VIRMA: variants seen among roughly 807,000 people sequenced by gnomAD.
VIRMA encodes protein virilizer homolog.
In VIRMA, 65 loss-of-function variants were observed where a neutral mutation model predicts 182.4. The observed-to-expected ratio is 0.36, with a 90% CI of 0.29 to 0.44. The LOEUF is 0.44. Among genes scored for constraint, VIRMA ranks in the 20% least tolerant of loss-of-function variants. The pLI, the probability that VIRMA is intolerant of heterozygous loss-of-function variation, is 1.00. For synonymous variants in VIRMA, 709 were observed against 743.1 expected (o/e 0.95, Z 0.75); for missense variants, 1,752 against 2,158.1 (o/e 0.81, Z 3.73).
At position 94,494,932 on chromosome 8, in the gene VIRMA, G is replaced by A. The variant is rs963372947; in HGVS notation, c.4569C>T (p.Val1523=). 2 of 1,610,434 alleles carry A rather than the reference G, an allele frequency of 1.2e-6. No homozygotes were observed. The highest frequency in any genetic ancestry group is 1.7e-6 in the Non-Finnish European group (2 of 1,176,932). ...NNRTAYVLAD[V]MDDQLKSMWF... Reference sequence around the variant, plus strand: ...ACATAGATTTCAACTGATCATCCATGACATCAGCAAGCACATAGGCAGTCC... The same window carrying A: ...ACATAGATTTCAACTGATCATCCATAACATCAGCAAGCACATAGGCAGTCC... The change falls in exon 20 of 24, where the codon GTC becomes GTT. Residue 1523 remains valine, a synonymous_variant. Coordinates refer to ENST00000297591, the MANE Select transcript of VIRMA (RefSeq NM_015496.5).
chr8:94,502,129 T>A (rs533920469), intron 16 of VIRMA, among the ~76,000 whole-genome samples: 1 of 152,358 alleles, frequency 6.6e-6, no homozygotes, highest in African/African-American at 2.4e-5. Context: ...GGTGCATATA[T>A]GTTTAGGATT....
At chr8:94,525,481 A>C (rs1448669921) in intron 8 of VIRMA, among the ~76,000 whole-genome samples, 2 of 152,244 alleles carry the variant, frequency 1.3e-5, no homozygotes, top group African/African-American at 4.8e-5. Flanking sequence ...AAGGTGTAAC[A>C]GTTTCAGCTA....
Position 94,519,050 on chromosome 8 carries a change from A to G in VIRMA, c.2448T>C (p.Phe816=), listed in dbSNP as rs1308508461. The part of the protein sequence containing the change: ...PVGRSAVGHV[F]SLEKNLQSLI... ...GACTTTGGAGATTTTTCTCCAGACTAAAAACATGGCCAACAGCTGATCTTC... is the reference window on the plus strand; with the variant it reads ...GACTTTGGAGATTTTTCTCCAGACTGAAAACATGGCCAACAGCTGATCTTC... The change falls in exon 9 of 24, where the codon TTT becomes TTC. Residue 816 remains phenylalanine, a synonymous_variant. Coordinates refer to ENST00000297591, the MANE Select transcript of VIRMA (RefSeq NM_015496.5). 1 of 1,613,792 alleles carries G rather than the reference A, an allele frequency of 6.2e-7. No individual in the cohort carries two copies. The highest frequency in any genetic ancestry group is 2.2e-5 in the East Asian group (1 of 44,874).
chr8:94,495,677 T>G (rs2130264200), intron 19 of VIRMA, 54 bp downstream of exon 19: 1 of 1,521,620 alleles, frequency 6.6e-7, no homozygotes, highest in South Asian at 1.2e-5. Flanking sequence ...CCCCCTAGAC[T>G]ACAGCCATTT....
intron 1 of VIRMA, 94 bp from the exon 2 acceptor site, chr8:94,544,036 TA>T: frequency 1.5e-6 from 1 of 678,682 alleles, no homozygotes; most frequent in South Asian, 1.8e-5. Context: ...ATGTCACATG[TA>T]AACTTAACAT....
At chr8:94,532,065 G>A (rs1437632645) in intron 5 of VIRMA, among the ~76,000 whole-genome samples, 1 of 152,118 alleles carries the variant, frequency 6.6e-6, no homozygotes, top group Admixed American at 6.6e-5. Flanking sequence ...AGGGAATCTT[G>A]GGGCAATGGT....
At position 94,526,371 on chromosome 8, in the gene VIRMA, C is replaced by G. The variant is rs372344457; in HGVS notation, c.1873G>C (p.Glu625Gln). ...ESSNISEGEI[E>Q]RLINLLEEVF... The stretch of plus-strand genomic sequence containing the variant: ...TCTTCTAGGAGGTTAATAAGCCTTT[C>G]TATTTCCCCTTCACTTATATTTGAG... The change falls in exon 8 of 24, where the codon GAA becomes CAA. Residue 625 changes from glutamate to glutamine, a missense_variant. Physicochemically the swap from Glu to Gln is conservative, Grantham distance 29. Around this residue, in one of 11 missense-constraint regions of VIRMA, gnomAD observed 401 missense variants for 455.1 expected, o/e 0.88. Transcript: ENST00000297591. The G allele has an allele frequency of 6.2e-7, 1 of 1,613,982 alleles. No individual in the cohort carries two copies. Among genetic ancestry groups the G allele is most frequent in the African/African-American group, 1.3e-5 (1 of 74,922 alleles).
At chr8:94,540,263 TA>T (rs1275220854) in intron 2 of VIRMA, among the ~76,000 whole-genome samples, 1 of 152,140 alleles carries the variant, frequency 6.6e-6, no homozygotes, top group East Asian at 1.9e-4. Flanking sequence ...ACTATGTAGC[TA>T]TTAGAAATCA....
At chr8:94,541,214 T>C (rs1421177942) in intron 2 of VIRMA, among the ~76,000 whole-genome samples, 1 of 151,628 alleles carries the variant, frequency 6.6e-6, no homozygotes, top group Non-Finnish European at 1.5e-5. Flanking sequence ...TCTTAACTCC[T>C]GGGTTCAAGC....
At chr8:94,528,157 T>C (rs778987631) in intron 7 of VIRMA, among the ~76,000 whole-genome samples, 8 of 147,662 alleles carry the variant, frequency 5.4e-5, no homozygotes, top group Admixed American at 4.2e-4. Flanking sequence ...ACTTGAACCC[T>C]GGAGGTGAAG....
intron 16 of VIRMA, among the ~76,000 whole-genome samples, chr8:94,505,351 T>C (rs1175267396): frequency 6.6e-6 from 1 of 151,930 alleles, no homozygotes; most frequent in Non-Finnish European, 1.5e-5. Flanking sequence ...TTAATAAATA[T>C]AAGTACTAGC....
chr8:94,520,883 C>T (rs1814736611), intron 8 of VIRMA, among the ~76,000 whole-genome samples: 1 of 152,056 alleles, frequency 6.6e-6, no homozygotes, highest in Admixed American at 6.6e-5. Flanking sequence ...AACATTTAAG[C>T]AGTTAGTATT....
chr8:94,530,424 G>T (rs1265218906), intron 6 of VIRMA, among the ~76,000 whole-genome samples: 1 of 149,390 alleles, frequency 6.7e-6, no homozygotes, highest in African/African-American at 2.5e-5. Context: ...TTGAACCCGG[G>T]AATTCAAGGC....
At chr8:94,513,039 AT>A (rs1814430495) in intron 11 of VIRMA, among the ~76,000 whole-genome samples, 1 of 152,194 alleles carries the variant, frequency 6.6e-6, no homozygotes, top group South Asian at 2.1e-4. Context: ...AGCATTATCA[AT>A]TGTTTAAAAA....
At chr8:94,492,868 A>G in intron 20 of VIRMA, 50 bp from the exon 21 acceptor site, 2 of 1,431,372 alleles carry the variant, frequency 1.4e-6, no homozygotes, top group Middle Eastern at 1.8e-4. Flanking sequence ...AATTATTAGC[A>G]TAACATTTGA....
At chr8:94,524,061 G>A (rs1271601619) in intron 8 of VIRMA, among the ~76,000 whole-genome samples, 1 of 148,548 alleles carries the variant, frequency 6.7e-6, no homozygotes, top group Non-Finnish European at 1.5e-5. Context: ...GTGCAATGGT[G>A]AGATCTCAGC....
At chr8:94,508,745 C>G (rs1814253043) in intron 15 of VIRMA, among the ~76,000 whole-genome samples, 2 of 149,752 alleles carry the variant, frequency 1.3e-5, no homozygotes, top group Admixed American at 6.6e-5. Context: ...TAAATGTAAC[C>G]AAACTGAATA....
intron 1 of VIRMA, among the ~76,000 whole-genome samples, chr8:94,545,623 GT>G (rs1815731443): frequency 6.6e-6 from 1 of 152,196 alleles, no homozygotes; most frequent in African/African-American, 2.4e-5. Flanking sequence ...TGGTAGACAA[GT>G]AGATAAATTG....
Position 94,517,869 on chromosome 8 carries a change from T to C in VIRMA, c.2587A>G (p.Ser863Gly), listed in dbSNP as rs1563467882. 1 of 1,612,406 alleles carries C rather than the reference T, an allele frequency of 6.2e-7. No individual in the cohort carries two copies. Among genetic ancestry groups the C allele is most frequent in the Non-Finnish European group, 8.5e-7 (1 of 1,178,628 alleles). ...TGTTGTTCTAGCATTTGAACATCAC[T>C]GGAAGACTGAACCACCACCAAAATA... ...ILILVVVQSS[S>G]DVQMLEQHAA... Residue 863 changes from serine to glycine, a missense_variant, in exon 10 of 24, where the codon AGT (serine) becomes GGT (glycine). Physicochemically the swap from Ser to Gly is moderately conservative, Grantham distance 56. Around this residue, in one of 11 missense-constraint regions of VIRMA, gnomAD observed 777 missense variants for 920.6 expected, o/e 0.84. Coordinates refer to ENST00000297591, the MANE Select transcript of VIRMA (RefSeq NM_015496.5).
Sources: allele counts gnomAD v4.1 joint callset (sites outside exome capture counted in the v4.1 genomes callset), GRCh38; gene constraint gnomAD v4.1.1; regional missense constraint gnomAD v4.1.1; transcripts MANE v1.5; gene names NCBI Gene and HGNC (gene_info 2026-07-23, HGNC 2026-07-21).